The following TNKS variants were observed in gnomAD, a reference collection of about 807,000 sequenced individuals.
The protein encoded by TNKS is tankyrase, also known as poly [ADP-ribose] polymerase tankyrase-1.
A neutral mutation model predicts 135.8 loss-of-function variants in TNKS; 72 were observed. The ratio of observed to expected loss-of-function variants is 0.53; its 90% confidence interval spans 0.44 to 0.64. The LOEUF (loss-of-function observed/expected upper bound fraction) is 0.64, where lower values mean the gene tolerates loss of function less well. Ranked by LOEUF, TNKS falls within the 30% of genes least tolerant of loss-of-function variation. The probability of loss-of-function intolerance (pLI) is 0.00; values close to 1 mark genes in which losing one functional copy is unlikely to be tolerated. For missense variants in TNKS, 1,769 were observed against 1,674.0 expected, an observed-to-expected ratio of 1.06 and a Z score of -0.99; for synonymous variants, 849 against 649.3, an observed-to-expected ratio of 1.31 and a Z score of -4.68.
chr8:9,766,181 G>A, intron 24 of TNKS, 58 bp from the exon 25 acceptor site: 1 of 1,432,124 alleles, frequency 7.0e-7, no homozygotes, highest in Non-Finnish European at 9.6e-7. Context: ...TAGTGTGCAG[G>A]TAATTGAGCT....
At chr8:9,669,812 A>AGACAGACATT (rs57482554) in intron 3 of TNKS, among the ~76,000 whole-genome samples, 22,290 of 151,972 alleles carry the variant, frequency 0.15, 1,824 homozygotes, top group Admixed American at 0.23. Context: ...GCCAGTTTCA[A>AGACAGACATT]GAGGGTTCGC....
intron 1 of TNKS, among the ~76,000 whole-genome samples, chr8:9,560,493 CTTTTTTTTTTTTTTTTT>C (rs535715245): frequency 2.4e-5 from 1 of 42,286 alleles, no homozygotes; most frequent in African/African-American, 1.2e-4. Context: ...CCATACTTGT[CTTTTTTTTTTTTTTTTT>C]TTTTTTTTTT....
chr8:9,744,283 C>G (rs1806123395), intron 17 of TNKS, among the ~76,000 whole-genome samples: 1 of 152,128 alleles, frequency 6.6e-6, no homozygotes, highest in South Asian at 2.1e-4. Flanking sequence ...GGCATTGATA[C>G]TTATTACCAC....
At chr8:9,762,042 C>A (rs1046748034) in intron 21 of TNKS, among the ~76,000 whole-genome samples, 1 of 152,262 alleles carries the variant, frequency 6.6e-6, no homozygotes, top group Non-Finnish European at 1.5e-5. Flanking sequence ...TCATATCACT[C>A]CATTGCTTAA....
In TNKS at chr8:9,721,392, T is replaced by C. The variant is rs1366984989; in HGVS notation, c.1921+847T>C. 3.3e-5 allele frequency among the ~76,000 whole-genome samples: 5 copies of C among 150,580 alleles called. No homozygotes were observed. In the Admixed American group the frequency reaches 3.3e-4, roughly 10 times the overall value. On this transcript the variant is annotated intron_variant, in intron 12 of 26. Coordinates refer to ENST00000310430, the MANE Select transcript of TNKS (RefSeq NM_003747.3). ...TTTTAAATATAAATTGATAAGAAAA[T>C]AGATACTGGCTTCCTAAGTCCCAAA... is the stretch of plus-strand genomic sequence containing the variant.
intron 20 of TNKS, among the ~76,000 whole-genome samples, chr8:9,759,676 C>T (rs895557824): frequency 1.3e-5 from 2 of 152,054 alleles, no homozygotes; most frequent in Non-Finnish European, 2.9e-5. Context: ...TGTATCAATC[C>T]AGAAAAGTCT....
chr8:9,721,298 T>TTATATATATATATATATATA (rs60138689), intron 12 of TNKS, among the ~76,000 whole-genome samples: 22,319 of 116,896 alleles, frequency 0.19, 2,792 homozygotes, highest in Middle Eastern at 0.3. Context: ...AATAAATAAA[T>TTATATATATATATATATATA]TATATATATA....
intron 1 of TNKS, 26 bp downstream of exon 1, chr8:9,556,638 A>T (rs1269609141): frequency 6.2e-7 from 1 of 1,611,932 alleles, no homozygotes; most frequent in South Asian, 1.1e-5. Flanking sequence ...ATTGTTTATT[A>T]AGGGTTATGG....
At chr8:9,595,775 C>T (rs1481926247) in intron 2 of TNKS, among the ~76,000 whole-genome samples, 3 of 152,104 alleles carry the variant, frequency 2.0e-5, no homozygotes, top group Admixed American at 6.5e-5. Context: ...AAAAGCATTA[C>T]ACATTTGCAT....
intron 11 of TNKS, 90 bp from the exon 12 acceptor site, chr8:9,720,284 A>AT (rs72301704): frequency 0.71 from 815,090 of 1,151,096 alleles, 286,193 homozygotes; most frequent in Admixed American, 0.81. Flanking sequence ...TTGAAAGTTG[A>AT]TTTTTTTTTC....
At chr8:9,594,578 C>T (rs4610751) in intron 2 of TNKS, among the ~76,000 whole-genome samples, 1 of 151,918 alleles carries the variant, frequency 6.6e-6, no homozygotes, top group Admixed American at 6.5e-5. Context: ...AAAATGAGAT[C>T]ATTCCACCAT....
At chr8:9,558,412 C>T (rs1797178807) in intron 1 of TNKS, 2 of 152,234 alleles carry the variant, frequency 1.3e-5, no homozygotes, top group Admixed American at 1.3e-4. Flanking sequence ...TTTCCTTAGG[C>T]TAAATGAAAG....
Position 9,740,826 on chromosome 8 carries a change from G to GTTTTTTTTTTTT in TNKS, c.2643+5349_2643+5360dup, listed in dbSNP as rs66865048. 53 of 103,576 alleles carry GTTTTTTTTTTTT rather than the reference G, an allele frequency of 5.1e-4. 1 individual carries two copies. Among genetic ancestry groups the GTTTTTTTTTTTT allele is most frequent in the East Asian group, 1.6e-3 (5 of 3,178 alleles). The allele number at this position is 103,576 out of a possible 1,614,324, so 6.4% of individuals were successfully genotyped here. On this transcript the variant is annotated intron_variant, in intron 17 of 26. Transcript: ENST00000310430. ...TATACATTTATATGTAATTCTTGTT[G>GTTTTTTTTTTTT]TTTTTTTTTTTTTTTTTTTTGAGAA...
At chr8:9,631,128 G>A (rs965572591) in intron 3 of TNKS, among the ~76,000 whole-genome samples, 15 of 152,120 alleles carry the variant, frequency 9.9e-5, no homozygotes, top group African/African-American at 3.6e-4. Flanking sequence ...ATCTACAAAT[G>A]TACTGATTTC....
chr8:9,768,203 C>T (rs912388135), intron 25 of TNKS, among the ~76,000 whole-genome samples: 14 of 152,220 alleles, frequency 9.2e-5, no homozygotes, highest in African/African-American at 3.1e-4. Context: ...AAGCATGTGA[C>T]TAGTATTTGG....
intron 11 of TNKS, among the ~76,000 whole-genome samples, chr8:9,716,338 C>T (rs1430637163): frequency 3.3e-5 from 5 of 152,056 alleles, no homozygotes; most frequent in African/African-American, 1.2e-4. Flanking sequence ...TTTAAAGATA[C>T]TATAGCTCTA....
intron 3 of TNKS, among the ~76,000 whole-genome samples, chr8:9,676,686 C>CTCTCTG (rs1554467464): frequency 6.8e-6 from 1 of 147,786 alleles, no homozygotes; most frequent in East Asian, 2.0e-4. Context: ...CTCTCTCTCT[C>CTCTCTG]TGTGTGTGTG....
At chr8:9,683,344 C>G (rs7822700) in intron 5 of TNKS, among the ~76,000 whole-genome samples, 93,689 of 151,732 alleles carry the variant, frequency 0.62, 29,419 homozygotes, top group Middle Eastern at 0.72. Flanking sequence ...TAGAACATTT[C>G]TATGTGTTTA....
chr8:9,774,821 T>C (rs768071035), intron 26 of TNKS, among the ~76,000 whole-genome samples: 4 of 152,210 alleles, frequency 2.6e-5, no homozygotes, highest in Non-Finnish European at 5.9e-5. Context: ...ACCGGCACTA[T>C]TGACTCCTTT....
Sources: allele counts gnomAD v4.1 joint callset (sites outside exome capture counted in the v4.1 genomes callset), GRCh38; gene constraint gnomAD v4.1.1; transcripts MANE v1.5; gene names NCBI Gene and HGNC (gene_info 2026-07-23, HGNC 2026-07-21).